Variants in GALNT16 observed in about 807,000 individuals in gnomAD.
GALNT16 encodes the protein polypeptide N-acetylgalactosaminyltransferase 16, also known as UDP-GalNAc:polypeptide N-acetylgalactosaminyltransferase-like protein 1.
A neutral mutation model predicts 76.1 loss-of-function variants in GALNT16; 40 were observed. That is an observed-to-expected ratio of 0.53 (90% CI 0.41 to 0.68). The LOEUF is 0.68. Among genes scored for constraint, GALNT16 ranks in the 30% least tolerant of loss-of-function variants. The pLI is 0.00. For missense variants in GALNT16, 621 were observed against 731.9 expected (o/e 0.85, Z 1.75); for synonymous variants, 276 against 285.2 (o/e 0.97, Z 0.32).
chr14:69,355,090 C>T (rs764260309), downstream of GALNT16: 1 of 152,282 alleles, frequency 6.6e-6, no homozygotes, highest in Non-Finnish European at 1.5e-5. Context: ...GAAGCTGAAC[C>T]TACCCAGGTA....
At chr14:69,268,079 T>C (rs917598270) in intron 1 of GALNT16, among the ~76,000 whole-genome samples, 7 of 152,224 alleles carry the variant, frequency 4.6e-5, no homozygotes, top group Non-Finnish European at 1.0e-4. Flanking sequence ...CTGATGGAGC[T>C]ACGCTGCTCC....
chr14:69,269,061 G>T (rs563536309), intron 1 of GALNT16, among the ~76,000 whole-genome samples: 10 of 152,350 alleles, frequency 6.6e-5, no homozygotes, highest in African/African-American at 2.2e-4. Context: ...TCAGGGAACT[G>T]TGTCATTCAT....
At chr14:69,285,792 C>G (rs2044603327) in intron 1 of GALNT16, among the ~76,000 whole-genome samples, 1 of 152,184 alleles carries the variant, frequency 6.6e-6, no homozygotes, top group Admixed American at 6.5e-5. Context: ...ACGGTGCCAT[C>G]TCTCACACAG....
intron 1 of GALNT16, among the ~76,000 whole-genome samples, chr14:69,306,309 T>G (rs12232103): frequency 0.065 from 9,925 of 152,282 alleles, 603 homozygotes; most frequent in East Asian, 0.32. Flanking sequence ...CACAATCTTT[T>G]GCTGTTATAA....
At chr14:69,360,100 C>T (rs2045715249), downstream of GALNT16, among the ~76,000 whole-genome samples, 1 of 151,582 alleles carries the variant, frequency 6.6e-6, no homozygotes, top group South Asian at 2.1e-4. Flanking sequence ...TGCCTAGAAT[C>T]CCAGCACTTT....
the GALNT16 span, among the ~76,000 whole-genome samples, chr14:69,383,496 T>G: frequency 3.1e-3 from 478 of 152,334 alleles, 4 homozygotes; most frequent in African/African-American, 0.011. Flanking sequence ...AACAATACCT[T>G]ATTTCTCCTG....
At chr14:69,384,756 A>C in the GALNT16 span, among the ~76,000 whole-genome samples, 1 of 152,234 alleles carries the variant, frequency 6.6e-6, no homozygotes, top group Admixed American at 6.5e-5. Flanking sequence ...ACTCAGCACT[A>C]ATTATGTACC....
intron 6 of GALNT16, 104 bp from the exon 7 acceptor site, chr14:69,331,360 T>C (rs2045349733): frequency 2.7e-6 from 2 of 730,906 alleles, no homozygotes; most frequent in Non-Finnish European, 5.0e-6. Context: ...CAGGAAGTGC[T>C]GAGTGCCCCA....
At chr14:69,285,171 G>A (rs1268555279) in intron 1 of GALNT16, among the ~76,000 whole-genome samples, 1 of 144,478 alleles carries the variant, frequency 6.9e-6, no homozygotes, top group Non-Finnish European at 1.5e-5. Flanking sequence ...CTCTCGAGTA[G>A]CTGGGACTAC....
At chr14:69,303,516 T>C (rs997794410) in intron 1 of GALNT16, among the ~76,000 whole-genome samples, 3 of 152,192 alleles carry the variant, frequency 2.0e-5, no homozygotes, top group African/African-American at 7.2e-5. Context: ...TAAGCAGCCT[T>C]ACTTACCATA....
rs186587371 is a variant in GALNT16 at position 69,308,391 on chromosome 14, G to A, written c.178-12320G>A. Among the ~76,000 whole-genome samples, 610 of 151,402 alleles carry A rather than the reference G, an allele frequency of 4.0e-3. 7 individuals carry two copies. Among genetic ancestry groups the A allele is most frequent in the African/African-American group, 0.014 (581 of 41,506 alleles). On this transcript the variant is annotated intron_variant, in intron 1 of 14. Coordinates refer to ENST00000448469, the MANE Select transcript of GALNT16 (RefSeq NM_001168368.2). ...TTTCCAGAGGTGACCCCTGTAGAGC[G>A]GTTTCCTGTGTATTCTTTCAGGTAT... is the stretch of plus-strand genomic sequence containing the variant.
At chr14:69,381,681 C>T in the GALNT16 span, among the ~76,000 whole-genome samples, 1 of 152,040 alleles carries the variant, frequency 6.6e-6, no homozygotes, top group Non-Finnish European at 1.5e-5. Context: ...TCCCACCACC[C>T]CCACCACCGA....
chr14:69,365,851 C>A, the GALNT16 span, among the ~76,000 whole-genome samples: 2 of 152,136 alleles, frequency 1.3e-5, no homozygotes. Context: ...TTACTACATA[C>A]CAAGCAGGGT....
At chr14:69,372,491 C>CTTT in the GALNT16 span, among the ~76,000 whole-genome samples, 77 of 103,764 alleles carry the variant, frequency 7.4e-4, no homozygotes, top group Non-Finnish European at 1.1e-3. Flanking sequence ...GATCATTAGC[C>CTTT]TTTTTTTTTT....
the GALNT16 span, among the ~76,000 whole-genome samples, chr14:69,372,491 C>CTTTTT: frequency 7.4e-3 from 771 of 103,750 alleles, 7 homozygotes; most frequent in Non-Finnish European, 0.011. Context: ...GATCATTAGC[C>CTTTTT]TTTTTTTTTT....
intron 1 of GALNT16, among the ~76,000 whole-genome samples, chr14:69,287,736 A>C (rs2044632284): frequency 1.3e-5 from 2 of 152,146 alleles, no homozygotes; most frequent in South Asian, 4.1e-4. Flanking sequence ...CGCCTTTCCT[A>C]CCTGCACTTT....
At chr14:69,356,074 T>G (rs936042760), downstream of GALNT16, 7 of 152,250 alleles carry the variant, frequency 4.6e-5, no homozygotes, top group Admixed American at 4.6e-4. Flanking sequence ...TGTGTGTCCC[T>G]GTGATGGTCT....
At chr14:69,286,332 C>A (rs977985622) in intron 1 of GALNT16, among the ~76,000 whole-genome samples, 1 of 146,006 alleles carries the variant, frequency 6.8e-6, no homozygotes, top group African/African-American at 2.6e-5. Flanking sequence ...GATGAAGTCT[C>A]GCTATTGTAG....
At chr14:69,360,044 T>TAAAGAAAA (rs147723936), downstream of GALNT16, among the ~76,000 whole-genome samples, 46,423 of 148,752 alleles carry the variant, frequency 0.31, 7,256 homozygotes, top group Middle Eastern at 0.35. Flanking sequence ...TAAAATAAAA[T>TAAAGAAAA]AAAGAAAAAA....
Sources: allele counts gnomAD v4.1 joint callset (sites outside exome capture counted in the v4.1 genomes callset), GRCh38; gene constraint gnomAD v4.1.1; transcripts MANE v1.5; gene names NCBI Gene and HGNC (gene_info 2026-07-23, HGNC 2026-07-21).